The following ANK3 variants were observed in gnomAD, a reference collection of about 807,000 sequenced individuals.
The protein encoded by ANK3 is ankyrin 3.
ANK3 carries 57 observed loss-of-function variants against 370.9 expected under a neutral mutation model. The ratio of observed to expected loss-of-function variants is 0.15; its 90% CI spans 0.12 to 0.19. The LOEUF is 0.19. Among genes scored for constraint, ANK3 ranks in the 10% least tolerant of loss-of-function variants. The pLI, the probability that ANK3 is intolerant of heterozygous loss-of-function variation, is 1.00. For missense variants in ANK3, 4,439 were observed against 5,302.1 expected (o/e 0.84, Z 5.06); for synonymous variants, 1,929 against 1,946.3 (o/e 0.99, Z 0.23).
chr10:60,216,756 G>C (rs1001878100), intron 8 of ANK3, among the ~76,000 whole-genome samples: 2 of 152,140 alleles, frequency 1.3e-5, no homozygotes, highest in Non-Finnish European at 2.9e-5. Flanking sequence ...CCTGGTTTTG[G>C]TATCAGGATG....
chr10:60,069,714 T>C lies in ANK3; in HGVS notation c.11167A>G (p.Lys3723Glu). The C allele has an allele frequency of 1.9e-6, 3 of 1,613,792 alleles. No homozygotes were observed. The highest frequency in any genetic ancestry group is 2.5e-6 in the Non-Finnish European group (3 of 1,179,922). Residue 3723 changes from lysine to glutamate, a missense_variant, in exon 37 of 44, where the codon AAA becomes GAA. Physicochemically the swap from Lys to Glu is moderately conservative, Grantham distance 56. Coordinates refer to ENST00000280772, the MANE Select transcript of ANK3 (RefSeq NM_020987.5). ...ATGGTGGATGCAGAAATTCCCATTT[T>C]TATAGGCGTGCGCAACTTGGGGTCA... ...KVDPKLRTPI[K>E]MGISASTMTM...
rs548371975 is a variant in ANK3 at position 60,346,166 on chromosome 10, A to G, written c.114+43259T>C. 3.0e-4 allele frequency among the ~76,000 whole-genome samples: 45 copies of G among 152,276 alleles called. 1 individual carries two copies. The South Asian group carries it at 8.9e-3, about 30-fold the overall frequency. ...CAAAATAAAACCAGAAAACAACTGG[A>G]TGAAAACATGGATAATTTTGCTTTG... On this transcript the variant is annotated intron_variant, in intron 1 of 43. Coordinates refer to ENST00000280772, the MANE Select transcript of ANK3 (RefSeq NM_020987.5).
intron 5 of ANK3, among the ~76,000 whole-genome samples, chr10:60,267,416 C>T (rs1201359907): frequency 6.6e-6 from 1 of 152,110 alleles, no homozygotes; most frequent in Non-Finnish European, 1.5e-5. Flanking sequence ...AGCAATATAA[C>T]AGCAACCTCC....
At chr10:60,361,829 A>C (rs1480952827) in intron 1 of ANK3, among the ~76,000 whole-genome samples, 1 of 152,172 alleles carries the variant, frequency 6.6e-6, no homozygotes, top group Non-Finnish European at 1.5e-5. Flanking sequence ...AGTTTTGTAC[A>C]TAGTTCTTCA....
intron 2 of ANK3, among the ~76,000 whole-genome samples, chr10:60,556,300 A>C (rs2077205825): frequency 6.6e-6 from 1 of 152,160 alleles, no homozygotes; most frequent in Non-Finnish European, 1.5e-5. Flanking sequence ...GGCCTGCTGT[A>C]AATTTTTTTT....
chr10:60,681,677 TC>T (rs1274870126), intron 1 of ANK3, among the ~76,000 whole-genome samples: 2 of 152,116 alleles, frequency 1.3e-5, no homozygotes, highest in African/African-American at 4.8e-5. Flanking sequence ...AACCGTAAAT[TC>T]CACAAAGACA....
chr10:60,570,935 T>C (rs2077579625), intron 2 of ANK3, among the ~76,000 whole-genome samples: 1 of 152,142 alleles, frequency 6.6e-6, no homozygotes, highest in Non-Finnish European at 1.5e-5. Context: ...CTAATATGGA[T>C]TGCACCGTCG....
intron 1 of ANK3, among the ~76,000 whole-genome samples, chr10:60,336,450 T>C (rs7915212): frequency 0.018 from 2,728 of 152,282 alleles, 80 homozygotes; most frequent in African/African-American, 0.061. Context: ...CCAGTGCATT[T>C]TTCCTGCAGG....
At chr10:60,380,606 C>T (rs2061427509) in intron 1 of ANK3, among the ~76,000 whole-genome samples, 1 of 152,098 alleles carries the variant, frequency 6.6e-6, no homozygotes, top group South Asian at 2.1e-4. Flanking sequence ...AATGCCTGGC[C>T]CACTGTAGTC....
chr10:60,138,817 T>C, intron 24 of ANK3, 147 bp downstream of exon 24: 3 of 933,086 alleles, frequency 3.2e-6, no homozygotes, highest in Admixed American at 2.8e-5. Context: ...GCAGAGCATG[T>C]GTATTTGCGT....
At chr10:60,276,342 T>C (rs1025221187) in intron 4 of ANK3, among the ~76,000 whole-genome samples, 17 of 152,214 alleles carry the variant, frequency 1.1e-4, no homozygotes, top group African/African-American at 4.1e-4. Context: ...TGCTGCTTCC[T>C]AAATGGAGGT....
Position 60,069,721 on chromosome 10 carries a change from C to A in ANK3, c.11160G>T (p.Thr3720=). ...NTSKVDPKLR[T]PIKMGISAST... is the part of the protein sequence containing the mutation. Reference sequence around the variant, plus strand: ...ATGCAGAAATTCCCATTTTTATAGGCGTGCGCAACTTGGGGTCAACTTTAG... The same window carrying A: ...ATGCAGAAATTCCCATTTTTATAGGAGTGCGCAACTTGGGGTCAACTTTAG... Residue 3720 remains threonine (T), a synonymous_variant, in exon 37 of 44, where the codon ACG becomes ACT. Coordinates refer to ENST00000280772, the MANE Select transcript of ANK3 (RefSeq NM_020987.5). 1.2e-6 allele frequency: 2 copies of A among 1,613,650 alleles called. No individual in the cohort carries two copies. The highest frequency in any genetic ancestry group is 2.2e-5 in the East Asian group (1 of 44,872).
At chr10:60,232,492 C>A (rs149758812) in intron 8 of ANK3, among the ~76,000 whole-genome samples, 63 of 152,284 alleles carry the variant, frequency 4.1e-4, no homozygotes, top group Non-Finnish European at 8.4e-4. Flanking sequence ...AGCAATGGTT[C>A]TAGCATTCTT....
At chr10:60,145,872 A>C (rs1011746626) in intron 23 of ANK3, 1 of 683,542 alleles carries the variant, frequency 1.5e-6, no homozygotes, top group African/African-American at 1.8e-5. Context: ...CCTGGCACAT[A>C]GTAGGTGCTC....
chr10:60,390,731 C>T (rs76716034), upstream of ANK3, among the ~76,000 whole-genome samples: 1 of 65,466 alleles, frequency 1.5e-5, no homozygotes, highest in Non-Finnish European at 3.2e-5. Context: ...AAAAAAAGAA[C>T]ACACACACAC....
chr10:60,313,663 C>T, intron 1 of ANK3, among the ~76,000 whole-genome samples: 1 of 152,304 alleles, frequency 6.6e-6, no homozygotes, highest in African/African-American at 2.4e-5. Context: ...TCTCCAGTTT[C>T]AAACCAAGTT....
At chr10:60,057,143 G>A (rs1019292616) in intron 41 of ANK3, among the ~76,000 whole-genome samples, 6 of 152,084 alleles carry the variant, frequency 3.9e-5, no homozygotes, top group African/African-American at 1.4e-4. Context: ...ACCTTTACTT[G>A]AATCTCATTT....
intron 2 of ANK3, among the ~76,000 whole-genome samples, chr10:60,423,360 C>T (rs1191741606): frequency 6.6e-6 from 1 of 150,532 alleles, no homozygotes; most frequent in Non-Finnish European, 1.5e-5. Context: ...GTCAAAAAGT[C>T]TTAATACAAG....
intron 1 of ANK3, among the ~76,000 whole-genome samples, chr10:60,349,067 G>T (rs2056329579): frequency 1.1e-5 from 1 of 87,702 alleles, no homozygotes; most frequent in African/African-American, 3.1e-5. Context: ...AACAAGATGG[G>T]CTCATGAGAA....
Sources: gnomAD v4.1 joint callset for allele counts (sites outside exome capture counted in the v4.1 genomes callset) on GRCh38, gnomAD v4.1.1 for gene constraint, MANE v1.5 for transcripts, NCBI Gene and HGNC (gene_info 2026-07-23, HGNC 2026-07-21) for gene names.